HDLBP: variants seen among roughly 807,000 people sequenced by gnomAD.
HDLBP encodes high density lipoprotein binding protein, also known as vigilin.
A neutral mutation model predicts 137.3 loss-of-function variants in HDLBP; 30 were observed. The observed-to-expected ratio is 0.22, with a 90% CI of 0.16 to 0.30. The LOEUF (loss-of-function observed/expected upper bound fraction) is 0.30, where lower values mean the gene tolerates loss of function less well. HDLBP is among the 10% of genes least tolerant of loss of function. The probability of loss-of-function intolerance (pLI) is 1.00; values close to 1 mark genes in which losing one functional copy is unlikely to be tolerated. For missense variants in HDLBP, 1,119 were observed against 1,667.3 expected (o/e 0.67, Z 5.73); for synonymous variants, 606 against 596.0 (o/e 1.02, Z -0.24).
At chr2:241,270,763 T>C (rs1339914014) in intron 1 of HDLBP, among the ~76,000 whole-genome samples, 1 of 152,162 alleles carries the variant, frequency 6.6e-6, no homozygotes, top group Non-Finnish European at 1.5e-5. Flanking sequence ...GAGGGTTTAA[T>C]CCTGTTCCAT....
intron 8 of HDLBP, 105 bp from the exon 9 acceptor site, chr2:241,255,263 T>C (rs1446709840): frequency 4.2e-6 from 6 of 1,417,598 alleles, no homozygotes; most frequent in African/African-American, 1.4e-5. Context: ...TCCCCAAACC[T>C]GGGCACCTGC....
chr2:241,268,424 C>T, intron 2 of HDLBP, 53 bp downstream of exon 2: 3 of 980,256 alleles, frequency 3.1e-6, no homozygotes, highest in South Asian at 4.7e-5. Context: ...CCTGCGCCCC[C>T]AGGTCCACAC....
chr2:241,232,444 T>C (rs2069884190), intron 24 of HDLBP, among the ~76,000 whole-genome samples: 1 of 152,020 alleles, frequency 6.6e-6, no homozygotes, highest in Non-Finnish European at 1.5e-5. Flanking sequence ...CCTGGCTAAT[T>C]TTCATATTTT....
chr2:241,293,561 A>G (rs1057277594), intron 1 of HDLBP, among the ~76,000 whole-genome samples: 52 of 142,060 alleles, frequency 3.7e-4, no homozygotes, highest in Middle Eastern at 9.3e-3. Context: ...GCAGTGAGCC[A>G]TGATTGCACC....
chr2:241,239,544 G>T lies in HDLBP; in HGVS notation c.2610+58C>A. On this transcript the variant is annotated intron_variant, in intron 19 of 27. Coordinates refer to ENST00000310931, the MANE Select transcript of HDLBP (RefSeq NM_005336.6). The surrounding 1 kb of genome is among the most constrained non-coding windows in gnomAD (Gnocchi z 4.6). ...AGGGTGGAGCGAACACTCATACACG[G>T]CTTCGGTGAGTGGCCACTGGGGGGT... The T allele has an allele frequency of 2.8e-6, 4 of 1,417,876 alleles. No homozygotes were observed. Among genetic ancestry groups the T allele is most frequent in the Non-Finnish European group, 4.0e-6 (4 of 1,007,428 alleles). 87.8% of individuals were successfully genotyped at this position (1,417,876 alleles called of 1,614,324 possible). A position where few individuals can be genotyped will look rare whatever the true frequency, so the allele number is the denominator to read the frequency against.
chr2:241,297,903 C>T (rs1285533950), intron 1 of HDLBP, among the ~76,000 whole-genome samples: 1 of 151,662 alleles, frequency 6.6e-6, no homozygotes, highest in African/African-American at 2.4e-5. Flanking sequence ...AAAAAATTAG[C>T]CGGGCGTGGT....
chr2:241,260,296 G>C (rs1361914925), intron 5 of HDLBP, among the ~76,000 whole-genome samples: 4 of 152,178 alleles, frequency 2.6e-5, no homozygotes, highest in African/African-American at 9.7e-5. Context: ...GTGAGCCACT[G>C]CACCTGGCCA....
In HDLBP at chr2:241,242,511, G is replaced by T; in HGVS notation, c.2118C>A (p.Ser706=). Residue 706 remains serine (S), a synonymous_variant, in exon 17 of 28, where the codon TCC becomes TCA. Coordinates refer to ENST00000310931, the MANE Select transcript of HDLBP (RefSeq NM_005336.6). ...GCTTCTTGGCCTTCTCCACATCCGAGGAAGGGCCCCTGATAACAACGGTGT... is the reference window on the plus strand; with the variant it reads ...GCTTCTTGGCCTTCTCCACATCCGATGAAGGGCCCCTGATAACAACGGTGT... ...GSDTVVIRGP[S]SDVEKAKKQL... is the part of the protein sequence containing the mutation. The T allele has an allele frequency of 6.2e-7, 1 of 1,614,170 alleles. No individual in the cohort carries two copies. The highest frequency in any genetic ancestry group is 8.5e-7 in the Non-Finnish European group (1 of 1,180,038).
At chr2:241,276,948 G>C (rs952982300) in intron 1 of HDLBP, among the ~76,000 whole-genome samples, 1 of 148,726 alleles carries the variant, frequency 6.7e-6, no homozygotes, top group Admixed American at 6.7e-5. Flanking sequence ...GATTAAAAGT[G>C]ACACCTTTTT....
In HDLBP at chr2:241,229,007, G is replaced by A. The variant is rs1159234141; in HGVS notation, c.*594C>T. ...ACGGCAGGTAAAATCAGGACTGCCT[G>A]AGAACCCGTCACCCTCTGCCTCTCA... On this transcript the variant is annotated 3_prime_UTR_variant, in exon 28 of 28. Transcript: ENST00000310931. The A allele has an allele frequency of 6.5e-6, 1 of 154,174 alleles. No individual in the cohort carries two copies. Among genetic ancestry groups the A allele is most frequent in the African/African-American group, 2.4e-5 (1 of 41,412 alleles). The allele number at this position is 154,174 out of a possible 1,614,324, so 9.6% of individuals were successfully genotyped here.
chr2:241,270,945 GATA>G, intron 1 of HDLBP: 1 of 978,494 alleles, frequency 1.0e-6, no homozygotes, highest in Non-Finnish European at 1.2e-6. Flanking sequence ...AGGAACCTCA[GATA>G]TTAATCTAAT....
intron 2 of HDLBP, chr2:241,267,604 G>C: frequency 6.5e-7 from 1 of 1,535,656 alleles, no homozygotes; most frequent in Non-Finnish European, 8.7e-7. Context: ...AATGCATCAT[G>C]ACAGTTGCTA....
rs972118958 is a variant in HDLBP at position 241,272,362 on chromosome 2, TGGGCTCA to T, written c.-102-3828_-102-3822del. The T allele has an allele frequency of 3.0e-4, 292 of 981,868 alleles. 2 individuals are homozygous for T. In the South Asian group the frequency reaches 0.012, roughly 40 times the overall value. The allele number at this position is 981,868 out of a possible 1,614,324, so 60.8% of individuals were successfully genotyped here. A position where few individuals can be genotyped will look rare whatever the true frequency, so the allele number is the denominator to read the frequency against. On this transcript the variant is annotated intron_variant, in intron 1 of 27. Coordinates refer to ENST00000310931, the MANE Select transcript of HDLBP (RefSeq NM_005336.6). This position sits in a 1 kb window ranked among gnomAD's most constrained non-coding sequence, Gnocchi z 5.6. ...GCCGGCCCCGCCAACGTCAGCGACC[TGGGCTCA>T]GGTCGGCCGCCCCTCCGCGCCGTGC...
intron 5 of HDLBP, among the ~76,000 whole-genome samples, chr2:241,260,472 G>A (rs1387461913): frequency 1.3e-5 from 2 of 151,676 alleles, no homozygotes; most frequent in Non-Finnish European, 2.9e-5. Context: ...TGAAGTCGCC[G>A]GAGCGCCAAA....
rs527368427 is a variant in HDLBP at position 241,280,822 on chromosome 2, A to G, written c.-102-12281T>C. ...TGTTAAAAAGATCAAGGAAAATGGT[A>G]TCTAAAAGAACCTGCCCTTTAATAG... On this transcript the variant is annotated intron_variant, in intron 1 of 27. Transcript: ENST00000310931. Among the ~76,000 whole-genome samples, 7 of 152,302 alleles carry G rather than the reference A, an allele frequency of 4.6e-5. No individual in the cohort carries two copies. In the East Asian group the frequency reaches 1.4e-3, roughly 29 times the overall value.
chr2:241,255,269 C>T, intron 8 of HDLBP, 105 bp downstream of exon 8: 4 of 1,419,748 alleles, frequency 2.8e-6, no homozygotes, highest in Non-Finnish European at 4.0e-6. Flanking sequence ...AACCTGGGCA[C>T]CTGCACTGTG....
At chr2:241,231,067 C>T (rs930267072) in intron 24 of HDLBP, 123 bp from the exon 25 acceptor site, 41 of 819,000 alleles carry the variant, frequency 5.0e-5, no homozygotes, top group Non-Finnish European at 6.6e-5. Context: ...AACGTCACGG[C>T]TGATTTAAAA....
At chr2:241,259,465 C>G (rs895661708) in intron 5 of HDLBP, among the ~76,000 whole-genome samples, 5 of 152,122 alleles carry the variant, frequency 3.3e-5, no homozygotes, top group African/African-American at 1.2e-4. Flanking sequence ...CAGAAAAACT[C>G]AGAAAAAAGG....
intron 1 of HDLBP, among the ~76,000 whole-genome samples, chr2:241,299,909 C>T (rs376679893): frequency 3.2e-5 from 3 of 94,338 alleles, no homozygotes; most frequent in African/African-American, 3.9e-5. Flanking sequence ...AGCGAGATTC[C>T]GTCTCAAACA....
Sources: allele counts gnomAD v4.1 joint callset (sites outside exome capture counted in the v4.1 genomes callset), GRCh38; gene constraint gnomAD v4.1.1; non-coding constraint Gnocchi (gnomAD v3.1); transcripts MANE v1.5; gene names NCBI Gene and HGNC (gene_info 2026-07-23, HGNC 2026-07-21).